Variants in YIPF6 observed in about 807,000 individuals in gnomAD.
YIPF6 encodes Yip1 domain family member 6, also known as protein YIPF6.
YIPF6 carries 3 observed loss-of-function variants against 16.8 expected under a neutral mutation model. That is an observed-to-expected ratio of 0.18 (90% CI 0.08 to 0.46). YIPF6 has a LOEUF of 0.46. YIPF6 is among the 20% of genes least tolerant of loss of function. The probability of loss-of-function intolerance (pLI) is 0.98; values close to 1 mark genes in which losing one functional copy is unlikely to be tolerated. For synonymous variants in YIPF6, 67 were observed against 61.9 expected (o/e 1.08, Z -0.38); for missense variants, 145 against 184.9 (o/e 0.78, Z 1.25).
rs1457463984 is a variant in YIPF6 at position 68,536,577 on chromosome X, T to C, written c.*4578T>C. The C allele has an allele frequency of 2.7e-5, 3 of 110,882 alleles. No homozygotes were observed. The highest frequency in any genetic ancestry group is 9.9e-5 in the African/African-American group (3 of 30,414). The allele number at this position is 110,882 out of a possible 1,213,427, so 9.1% of individuals were successfully genotyped here. A position where few individuals can be genotyped will look rare whatever the true frequency, so the allele number is the denominator to read the frequency against. ...TATAGGTATTTTCCCTATTGTGTTA[T>C]GTACCTGAAATGAATACACCCTTCC... On this transcript the variant is annotated 3_prime_UTR_variant, in exon 7 of 7. Coordinates refer to ENST00000462683, the MANE Select transcript of YIPF6 (RefSeq NM_173834.4).
Position 68,534,723 on chromosome X carries a change from C to T in YIPF6, c.*2724C>T, listed in dbSNP as rs1442831547. The T allele has an allele frequency of 8.9e-6, 1 of 112,107 alleles. No homozygotes were observed. 9.2% of individuals were successfully genotyped at this position (112,107 alleles called of 1,213,427 possible). On this transcript the variant is annotated 3_prime_UTR_variant, in exon 7 of 7. Transcript: ENST00000462683. ...GTGATGGAAGTTAAGACCTAAATGT[C>T]TGGAAGTTGTAACCCTCAACACAGC... is the stretch of plus-strand genomic sequence containing the variant.
intron 6 of YIPF6, among the ~76,000 whole-genome samples, chrX:68,528,536 C>T (rs192739507): frequency 9.0e-6 from 1 of 111,293 alleles, no homozygotes; most frequent in East Asian, 2.8e-4. Flanking sequence ...GATGCTAGCT[C>T]GTTATTTTGC....
At chrX:68,501,598 C>A (rs781092969) in intron 1 of YIPF6, among the ~76,000 whole-genome samples, 2 of 111,833 alleles carry the variant, frequency 1.8e-5, no homozygotes, top group Non-Finnish European at 3.8e-5. Flanking sequence ...GAAGCCCAGA[C>A]TTATATATCC....
At chrX:68,529,573 C>T (rs184427039) in intron 6 of YIPF6, among the ~76,000 whole-genome samples, 12,982 of 110,804 alleles carry the variant, frequency 0.12, 779 homozygotes, top group Non-Finnish European at 0.19. Context: ...TTGGAATTTT[C>T]GGCCTTTTTG....
chrX:68,535,436 A>G lies in YIPF6; in HGVS notation c.*3437A>G, dbSNP rs934821939. 1 of 112,375 alleles carries G rather than the reference A, an allele frequency of 8.9e-6. No individual in the cohort carries two copies. The highest frequency in any genetic ancestry group is 1.9e-5 in the Non-Finnish European group (1 of 53,340). 9.3% of individuals were successfully genotyped at this position (112,375 alleles called of 1,213,427 possible). A position where few individuals can be genotyped will look rare whatever the true frequency, so the allele number is the denominator to read the frequency against. ...CATTAGAATTTATCTAAAGCTTATC[A>G]TGATTTGATAAGACATCCATTGCAT... On this transcript the variant is annotated 3_prime_UTR_variant, in exon 7 of 7. Coordinates refer to ENST00000462683, the MANE Select transcript of YIPF6 (RefSeq NM_173834.4).
In YIPF6 at chrX:68,536,112, C is replaced by T. The variant is rs1471506393; in HGVS notation, c.*4113C>T. ...GCTGAAATTCACCTTTTAAGATGTA[C>T]AATTCAGTGGTTTTTAGTATATTCA... is the stretch of plus-strand genomic sequence containing the variant. On this transcript the variant is annotated 3_prime_UTR_variant, in exon 7 of 7. Coordinates refer to ENST00000462683, the MANE Select transcript of YIPF6 (RefSeq NM_173834.4). 4.5e-5 allele frequency: 5 copies of T among 111,843 alleles called. No individual in the cohort carries two copies. The highest frequency in any genetic ancestry group is 1.3e-4 in the African/African-American group (4 of 30,759). The allele number at this position is 111,843 out of a possible 1,213,427, so 9.2% of individuals were successfully genotyped here. A position where few individuals can be genotyped will look rare whatever the true frequency, so the allele number is the denominator to read the frequency against.
At chrX:68,517,939 C>T (rs1254930038) in intron 3 of YIPF6, among the ~76,000 whole-genome samples, 2 of 102,082 alleles carry the variant, frequency 2.0e-5, no homozygotes, top group East Asian at 3.1e-4. Context: ...GCACTCTAGC[C>T]TGGGCAACAG....
intron 6 of YIPF6, among the ~76,000 whole-genome samples, chrX:68,523,844 G>A (rs1044852672): frequency 8.9e-6 from 1 of 111,883 alleles, no homozygotes; most frequent in Admixed American, 9.5e-5. Flanking sequence ...CCCATGGGGA[G>A]AGCCCCTCAT....
chrX:68,500,523 C>T (rs747265592), intron 1 of YIPF6, among the ~76,000 whole-genome samples: 198 of 111,173 alleles, frequency 1.8e-3, no homozygotes, highest in Non-Finnish European at 3.1e-3. Flanking sequence ...CCACGTTGGC[C>T]AGGCTAGTCT....
intron 6 of YIPF6, among the ~76,000 whole-genome samples, chrX:68,523,466 C>G (rs1051923875): frequency 1.8e-5 from 2 of 111,682 alleles, no homozygotes; most frequent in African/African-American, 6.5e-5. Flanking sequence ...AATTGCAAAC[C>G]AGGCAGTCAT....
At chrX:68,509,460 T>C (rs999251919) in intron 1 of YIPF6, among the ~76,000 whole-genome samples, 3 of 111,545 alleles carry the variant, frequency 2.7e-5, no homozygotes, top group African/African-American at 9.8e-5. Flanking sequence ...TCAGCTTCTG[T>C]CTTTGCCCTT....
At chrX:68,507,131 T>C (rs1348977226) in intron 1 of YIPF6, among the ~76,000 whole-genome samples, 1 of 112,257 alleles carries the variant, frequency 8.9e-6, no homozygotes, top group South Asian at 3.7e-4. Flanking sequence ...GCTGCTTTCA[T>C]GCTACAATGG....
Position 68,502,434 on chromosome X carries a change from C to T in YIPF6, c.57+3311C>T, listed in dbSNP as rs73538062. Among the ~76,000 whole-genome samples the T allele has an allele frequency of 1.8e-3, 204 of 111,395 alleles. 1 individual carries two copies. The highest frequency in any genetic ancestry group is 6.5e-3 in the African/African-American group (199 of 30,672). Reference sequence around the variant, plus strand: ...GATTCAGTTGGTCTGGGATAGGGCCCGAGATTTTGCATTTCTTACAGACTC... The same window carrying T: ...GATTCAGTTGGTCTGGGATAGGGCCTGAGATTTTGCATTTCTTACAGACTC... On this transcript the variant is annotated intron_variant, in intron 1 of 6. Transcript: ENST00000462683.
intron 6 of YIPF6, among the ~76,000 whole-genome samples, chrX:68,528,081 G>C (rs1264049687): frequency 9.0e-6 from 1 of 111,507 alleles, no homozygotes; most frequent in African/African-American, 3.3e-5. Flanking sequence ...TGACAGTGGG[G>C]TGTTAAAGTC....
chrX:68,525,306 A>C (rs1469761093), intron 6 of YIPF6, among the ~76,000 whole-genome samples: 1 of 112,118 alleles, frequency 8.9e-6, no homozygotes, highest in Non-Finnish European at 1.9e-5. Flanking sequence ...GTGTCTGTTC[A>C]TATCCTTCGC....
At chrX:68,529,543 G>T (rs1167594699) in intron 6 of YIPF6, among the ~76,000 whole-genome samples, 1 of 110,831 alleles carries the variant, frequency 9.0e-6, no homozygotes, top group Non-Finnish European at 1.9e-5. Flanking sequence ...TCCTTTGGAG[G>T]AGAAGAGACA....
intron 4 of YIPF6, among the ~76,000 whole-genome samples, 166 bp from the exon 5 acceptor site, chrX:68,521,206 C>G (rs2079124291): frequency 9.0e-6 from 1 of 111,603 alleles, no homozygotes; most frequent in South Asian, 3.7e-4. Flanking sequence ...AGTAAGGGAG[C>G]CTTGCCAAAT....
At chrX:68,501,720 G>T (rs760290048) in intron 1 of YIPF6, among the ~76,000 whole-genome samples, 2 of 112,123 alleles carry the variant, frequency 1.8e-5, no homozygotes, top group African/African-American at 6.5e-5. Context: ...GTTGGAAGGT[G>T]CTAGTATATT....
chrX:68,505,821 A>T (rs2079057597), intron 1 of YIPF6, among the ~76,000 whole-genome samples: 1 of 111,882 alleles, frequency 8.9e-6, no homozygotes, highest in African/African-American at 3.2e-5. Flanking sequence ...AATAGTAGAG[A>T]GAGTGCCTGT....
Sources: gnomAD v4.1 joint callset for allele counts (sites outside exome capture counted in the v4.1 genomes callset) on GRCh38, gnomAD v4.1.1 for gene constraint, MANE v1.5 for transcripts, NCBI Gene and HGNC (gene_info 2026-07-23, HGNC 2026-07-21) for gene names.